TTC23L: variants seen among roughly 807,000 people sequenced by gnomAD.
TTC23L encodes the protein tetratricopeptide repeat protein 23-like.
In TTC23L, 42 loss-of-function variants were observed where a neutral mutation model predicts 48.1. The observed-to-expected ratio is 0.87, with a 90% CI of 0.68 to 1.13. TTC23L has a LOEUF of 1.13. Among genes scored for constraint, TTC23L ranks in the 50% most tolerant of loss-of-function variants. The pLI is 0.00. For missense variants in TTC23L, 391 were observed against 421.0 expected (o/e 0.93, Z 0.62); for synonymous variants, 159 against 157.2 (o/e 1.01, Z -0.09).
chr5:34,872,920 G>A (rs1761567308), intron 8 of TTC23L, among the ~76,000 whole-genome samples: 1 of 152,012 alleles, frequency 6.6e-6, no homozygotes, highest in Non-Finnish European at 1.5e-5. Flanking sequence ...AAAATTAGCC[G>A]GGCTTGGTGG....
intron 6 of TTC23L, 58 bp from the exon 7 acceptor site, chr5:34,866,834 G>C (rs1419721753): frequency 6.9e-7 from 1 of 1,458,142 alleles, no homozygotes. Flanking sequence ...AGTTCCTTTT[G>C]TGTCTGCAAA....
intron 8 of TTC23L, among the ~76,000 whole-genome samples, chr5:34,875,443 G>C (rs114802928): frequency 1.3e-5 from 2 of 152,062 alleles, no homozygotes; most frequent in Admixed American, 1.3e-4. Flanking sequence ...CTGATGTTTG[G>C]GGGTAGGAAG....
At chr5:34,878,738 T>C (rs1358828344) in intron 8 of TTC23L, among the ~76,000 whole-genome samples, 1 of 152,144 alleles carries the variant, frequency 6.6e-6, no homozygotes, top group Non-Finnish European at 1.5e-5. Flanking sequence ...TCATACACTG[T>C]TGGTGTGAAT....
the TTC23L span, chr5:34,925,322 C>G: frequency 2.5e-6 from 4 of 1,613,654 alleles, no homozygotes; most frequent in Non-Finnish European, 2.5e-6. Flanking sequence ...GCCGAAGACT[C>G]TTCTTCCACA....
At chr5:34,848,582 A>G (rs1759408183) in intron 3 of TTC23L, among the ~76,000 whole-genome samples, 1 of 152,194 alleles carries the variant, frequency 6.6e-6, no homozygotes, top group Non-Finnish European at 1.5e-5. Flanking sequence ...TGAGTGATGA[A>G]GTGGTGTCTA....
rs1439318632 is a variant in TTC23L at position 34,863,942 on chromosome 5, A to G, written c.537-495A>G. ...TCTGTTATACCCTTAGCAGGGGGCT[A>G]TTGAAAATGTGGGAAATAGAAGAAT... On this transcript the variant is annotated intron_variant, in intron 5 of 10. Coordinates refer to ENST00000505624, the Ensembl canonical transcript of TTC23L. The surrounding 1 kb of genome is among the most constrained non-coding windows in gnomAD (Gnocchi z 4.1). Among the ~76,000 whole-genome samples, 2 of 152,162 alleles carry G rather than the reference A, an allele frequency of 1.3e-5. No homozygotes were observed. The highest frequency in any genetic ancestry group is 1.5e-5 in the Non-Finnish European group (1 of 68,018).
intron 7 of TTC23L, chr5:34,868,386 A>G (rs1263631131): frequency 3.3e-5 from 5 of 153,048 alleles, no homozygotes; most frequent in Non-Finnish European, 1.5e-5. Flanking sequence ...CTCTTTTCTA[A>G]GTGTTACTCC....
At chr5:34,846,622 CACATAT>C (rs1430102266) in intron 3 of TTC23L, among the ~76,000 whole-genome samples, 1 of 137,780 alleles carries the variant, frequency 7.3e-6, no homozygotes, top group Non-Finnish European at 1.5e-5. Context: ...TATATACACA[CACATAT>C]ACATATATAC....
rs573000917 is a variant in TTC23L at position 34,850,364 on chromosome 5, C to T, written c.379+56C>T. 2.5e-6 allele frequency: 4 copies of T among 1,607,844 alleles called. No individual in the cohort carries two copies. In the African/African-American group the frequency reaches 4.0e-5, roughly 16 times the overall value. ...GCCAGCCTCTGAAGGCTGAACTGACCCACACAACCTCAGTGAGGATGGGCA... is the reference window on the plus strand; with the variant it reads ...GCCAGCCTCTGAAGGCTGAACTGACTCACACAACCTCAGTGAGGATGGGCA... On this transcript the variant is annotated intron_variant, in intron 4 of 10. Transcript: ENST00000505624.
intron 4 of TTC23L, among the ~76,000 whole-genome samples, chr5:34,854,872 G>C (rs1759991624): frequency 2.0e-5 from 3 of 152,200 alleles, no homozygotes; most frequent in Admixed American, 2.0e-4. Flanking sequence ...ATAACTATGA[G>C]GGAAGGCAGT....
chr5:34,846,139 T>C (rs2150349267), intron 3 of TTC23L, among the ~76,000 whole-genome samples: 1 of 152,276 alleles, frequency 6.6e-6, no homozygotes, highest in East Asian at 1.9e-4. Flanking sequence ...AGCCCGTGAT[T>C]GTGCAACTGC....
chr5:34,859,590 G>A (rs1760411902), intron 4 of TTC23L, among the ~76,000 whole-genome samples: 1 of 152,022 alleles, frequency 6.6e-6, no homozygotes, highest in Admixed American at 6.6e-5. Context: ...TTTTTGTGGT[G>A]TTTGGTTCTT....
intron 9 of TTC23L, among the ~76,000 whole-genome samples, 170 bp from the exon 10 acceptor site, chr5:34,896,600 G>A (rs562321932): frequency 2.0e-5 from 3 of 152,040 alleles, no homozygotes; most frequent in Non-Finnish European, 4.4e-5. Context: ...AATAAAACAT[G>A]GTCATTAATC....
intron 8 of TTC23L, among the ~76,000 whole-genome samples, chr5:34,876,539 A>G (rs189717162): frequency 1.2e-3 from 179 of 152,344 alleles, no homozygotes; most frequent in African/African-American, 4.2e-3. Flanking sequence ...GAAAGATACA[A>G]TCTGCCAAAA....
chr5:34,839,784 G>A (rs1758445145), intron 1 of TTC23L: 1 of 338,156 alleles, frequency 3.0e-6, no homozygotes. Flanking sequence ...GACTGGCATA[G>A]CCTTCCTTGA....
At chr5:34,913,866 CA>C in the TTC23L span, 2 of 473,672 alleles carry the variant, frequency 4.2e-6, no homozygotes, top group Admixed American at 4.9e-5. Flanking sequence ...AATGCATGAG[CA>C]ACATTAGTTT....
the TTC23L span, chr5:34,916,078 T>A: frequency 3.6e-5 from 23 of 633,058 alleles, no homozygotes; most frequent in Admixed American, 2.4e-4. Context: ...CTTGTGCACG[T>A]GGCCGTCTTC....
Position 34,840,750 on chromosome 5 carries a change from C to T in TTC23L, c.68+11C>T. 1 of 1,612,336 alleles carries T rather than the reference C, an allele frequency of 6.2e-7. No individual in the cohort carries two copies. The highest frequency in any genetic ancestry group is 8.5e-7 in the Non-Finnish European group (1 of 1,178,416). On this transcript the variant is annotated intron_variant, in intron 2 of 10. Transcript: ENST00000505624. ...TTTCTGCTTCCATATGTAAGTATCA[C>T]AGCATTTTGACATCACAGGTACTTA...
intron 2 of TTC23L, 82 bp from the exon 3 acceptor site, chr5:34,845,405 G>T: frequency 7.2e-7 from 1 of 1,390,444 alleles, no homozygotes; most frequent in South Asian, 1.4e-5. Context: ...TCCCCTAGTT[G>T]GGAGAGCTAT....
Sources: allele counts gnomAD v4.1 joint callset (sites outside exome capture counted in the v4.1 genomes callset), GRCh38; gene constraint gnomAD v4.1.1; non-coding constraint Gnocchi (gnomAD v3.1); transcripts MANE v1.5; gene names NCBI Gene and HGNC (gene_info 2026-07-23, HGNC 2026-07-21).